Variants in NUP210L observed in about 807,000 individuals in gnomAD.
The protein encoded by NUP210L is nucleoporin 210 like.
A neutral mutation model predicts 208.5 loss-of-function variants in NUP210L; 74 were observed. The ratio of observed to expected loss-of-function variants is 0.35; its 90% confidence interval spans 0.29 to 0.43. The LOEUF (loss-of-function observed/expected upper bound fraction) is 0.43, where lower values mean the gene tolerates loss of function less well. Among genes scored for constraint, NUP210L ranks in the 20% least tolerant of loss-of-function variants. The probability of loss-of-function intolerance (pLI) is 1.00; values close to 1 mark genes in which losing one functional copy is unlikely to be tolerated. For synonymous variants in NUP210L, 780 were observed against 816.9 expected, an observed-to-expected ratio of 0.95 and a Z score of 0.77; for missense variants, 1,843 against 2,289.4, an observed-to-expected ratio of 0.81 and a Z score of 3.98.
intron 16 of NUP210L, among the ~76,000 whole-genome samples, chr1:154,078,284 C>T (rs72694297): frequency 0.26 from 38,632 of 150,412 alleles, 5,437 homozygotes; most frequent in Admixed American, 0.37. Flanking sequence ...GCCAGGAAAA[C>T]AGAGGAAGAT....
At chr1:154,037,357 G>A (rs558999954) in intron 27 of NUP210L, among the ~76,000 whole-genome samples, 1 of 152,024 alleles carries the variant, frequency 6.6e-6, no homozygotes, top group Admixed American at 6.6e-5. Flanking sequence ...ATATATCTGG[G>A]TACTCCAGTA....
At chr1:154,134,325 A>T (rs1485927600) in intron 7 of NUP210L, among the ~76,000 whole-genome samples, 1 of 151,948 alleles carries the variant, frequency 6.6e-6, no homozygotes, top group Non-Finnish European at 1.5e-5. Flanking sequence ...TACCAAATAA[A>T]ACACAGAGAG....
chr1:154,124,192 GA>G (rs71584176), intron 10 of NUP210L, among the ~76,000 whole-genome samples: 87 of 120,118 alleles, frequency 7.2e-4, no homozygotes, highest in Middle Eastern at 4.5e-3. Context: ...ATCTCAAAAA[GA>G]AAAAAAAAAA....
chr1:154,123,910 G>A (rs1470036215), intron 10 of NUP210L, among the ~76,000 whole-genome samples: 7 of 150,586 alleles, frequency 4.6e-5, no homozygotes, highest in East Asian at 3.9e-4. Flanking sequence ...GAGGCTGGGC[G>A]CGGTGGCTCA....
chr1:154,069,497 G>A (rs904125959), intron 17 of NUP210L, among the ~76,000 whole-genome samples: 3 of 152,184 alleles, frequency 2.0e-5, no homozygotes, highest in Admixed American at 6.6e-5. Flanking sequence ...GCCACAATGA[G>A]ATACCATCTC....
At chr1:153,993,144 C>T in intron 38 of NUP210L, 55 bp from the exon 39 acceptor site, 1 of 1,175,872 alleles carries the variant, frequency 8.5e-7, no homozygotes, top group Non-Finnish European at 1.2e-6. Flanking sequence ...CCTTAAAAGG[C>T]AAAGTCAACT....
intron 7 of NUP210L, among the ~76,000 whole-genome samples, chr1:154,131,934 C>A (rs1046942939): frequency 6.6e-6 from 1 of 152,076 alleles, no homozygotes; most frequent in Non-Finnish European, 1.5e-5. Flanking sequence ...GAGTTCCTCC[C>A]GAGTAGCTGG....
At chr1:154,066,606 G>A (rs1279569950) in intron 17 of NUP210L, among the ~76,000 whole-genome samples, 1 of 152,104 alleles carries the variant, frequency 6.6e-6, no homozygotes, top group Non-Finnish European at 1.5e-5. Context: ...GCGAGACTCC[G>A]TCTCAAAAAA....
In NUP210L at chr1:153,995,033, G is replaced by C. The variant is rs368101014; in HGVS notation, c.5491+43C>G. 4.8e-5 allele frequency: 57 copies of C among 1,195,388 alleles called. No homozygotes were observed. In the African/African-American group the frequency reaches 7.7e-4, roughly 16 times the overall value. The allele number at this position is 1,195,388 out of a possible 1,614,324, so 74.0% of individuals were successfully genotyped here. On this transcript the variant is annotated intron_variant, in intron 38 of 39. Transcript: ENST00000368559. ...TCTCAAAAAAAAAAAAAAAAAGGCA[G>C]TTTTCATGTCAAAGTCTATGTTATT...
At chr1:154,105,282 G>A (rs1656692968) in intron 12 of NUP210L, among the ~76,000 whole-genome samples, 1 of 151,650 alleles carries the variant, frequency 6.6e-6, no homozygotes, top group Non-Finnish European at 1.5e-5. Context: ...CTGAGGTCAG[G>A]AGTTCAAAAC....
At chr1:154,003,441 C>T (rs1201148471) in intron 35 of NUP210L, among the ~76,000 whole-genome samples, 2 of 148,414 alleles carry the variant, frequency 1.3e-5, no homozygotes, top group Admixed American at 6.7e-5. Context: ...CTCCTGACCT[C>T]GTGATCCTCC....
chr1:154,095,519 T>C (rs1656137055), intron 14 of NUP210L, among the ~76,000 whole-genome samples: 1 of 152,228 alleles, frequency 6.6e-6, no homozygotes, highest in African/African-American at 2.4e-5. Context: ...ATAATTTTTG[T>C]TGTTTTCTCT....
chr1:154,095,020 A>G (rs1557972849), exon 15 of NUP210L: 4 of 1,614,146 alleles, frequency 2.5e-6, no homozygotes, highest in Non-Finnish European at 3.4e-6. Flanking sequence ...TGCTATTCCA[A>G]TCTTCTCTGT....
intron 27 of NUP210L, among the ~76,000 whole-genome samples, chr1:154,042,277 G>T (rs1317061257): frequency 6.6e-6 from 1 of 151,666 alleles, no homozygotes; most frequent in Non-Finnish European, 1.5e-5. Flanking sequence ...TCTCATGTGT[G>T]TTTTTTGTAG....
intron 27 of NUP210L, among the ~76,000 whole-genome samples, chr1:154,032,019 G>A (rs1424469081): frequency 2.0e-5 from 3 of 151,972 alleles, no homozygotes; most frequent in Non-Finnish European, 4.4e-5. Flanking sequence ...TGTGAGTTAC[G>A]GCGCCCAGCC....
rs1020117073 is a variant in NUP210L, at chr1:154,125,990, G to A, written c.1326+333C>T. On this transcript the variant is annotated intron_variant, in intron 10 of 39. Coordinates refer to ENST00000368559, the Ensembl canonical transcript of NUP210L. ...TCACCGTTTTAGCCGGGATGGTCTC[G>A]ATCTCCTGACCTCGTGATCCGCCCG... 7.3e-5 allele frequency among the ~76,000 whole-genome samples: 11 copies of A among 150,670 alleles called. No homozygotes were observed. In the South Asian group the frequency reaches 1.0e-3, roughly 14 times the overall value.
intron 23 of NUP210L, among the ~76,000 whole-genome samples, chr1:154,055,311 C>T (rs760351280): frequency 1.8e-4 from 27 of 151,380 alleles, no homozygotes; most frequent in Non-Finnish European, 2.5e-4. Context: ...AGTGCAGTGG[C>T]GAGACCTCAG....
chr1:154,049,760 A>G (rs1272052336), intron 25 of NUP210L, among the ~76,000 whole-genome samples: 1 of 152,208 alleles, frequency 6.6e-6, no homozygotes, highest in Non-Finnish European at 1.5e-5. Flanking sequence ...TTCTCCTGCT[A>G]TGATTCCAAA....
chr1:154,003,973 T>C (rs950055326), intron 35 of NUP210L, among the ~76,000 whole-genome samples: 1 of 152,160 alleles, frequency 6.6e-6, no homozygotes, highest in Admixed American at 6.5e-5. Context: ...TAGTCTGGGC[T>C]AGACCCTTAC....
Sources: allele counts gnomAD v4.1 joint callset (sites outside exome capture counted in the v4.1 genomes callset), GRCh38; gene constraint gnomAD v4.1.1; transcripts MANE v1.5; gene names NCBI Gene and HGNC (gene_info 2026-07-23, HGNC 2026-07-21).